MAX: variants seen among roughly 807,000 people sequenced by gnomAD.
MAX encodes the protein protein max.
A neutral mutation model predicts 22.3 loss-of-function variants in MAX; 3 were observed. The ratio of observed to expected loss-of-function variants is 0.13; its 90% CI spans 0.06 to 0.35. The LOEUF is 0.35. MAX is among the 10% of genes least tolerant of loss of function. The probability of loss-of-function intolerance (pLI) is 1.00; values close to 1 mark genes in which losing one functional copy is unlikely to be tolerated. For missense variants in MAX, 119 were observed against 209.4 expected, an observed-to-expected ratio of 0.57 and a Z score of 2.66; for synonymous variants, 72 against 77.7, an observed-to-expected ratio of 0.93 and a Z score of 0.39.
intron 1 of MAX, chr14:65,101,812 G>A (rs910889684): frequency 1.4e-5 from 8 of 581,972 alleles, no homozygotes; most frequent in African/African-American, 3.7e-5. Context: ...GGCCAGAGGG[G>A]TCCCGAGCAC....
In MAX at chr14:65,012,447, T is replaced by C. The variant is rs752099699; in HGVS notation, c.172-6163A>G. On this transcript the variant is annotated intron_variant, in intron 3 of 3. Coordinates refer to the MAX transcript ENST00000341653. The surrounding 1 kb of genome is among the most constrained non-coding windows in gnomAD (Gnocchi z 5.0). The stretch of plus-strand genomic sequence containing the variant: ...AATTATCCACCAAATCCTCCTCCTT[T>C]TTCTATTTAAACGTAAAAGACTGTT... The C allele has an allele frequency of 1.2e-6, 2 of 1,607,368 alleles. No homozygotes were observed. The highest frequency in any genetic ancestry group is 1.7e-6 in the Non-Finnish European group (2 of 1,175,076).
In MAX at chr14:65,033,862, A is replaced by C. The variant is rs537725024; in HGVS notation, c.172-27578T>G. On this transcript the variant is annotated intron_variant, in intron 3 of 3. Coordinates refer to the MAX transcript ENST00000341653. Reference sequence around the variant, plus strand: ...ACAGGGCGAGACTCCATCTCAAAAAAAGAAGCAAAAGGTATAGTAGACACA... The same window carrying C: ...ACAGGGCGAGACTCCATCTCAAAAACAGAAGCAAAAGGTATAGTAGACACA... 2.6e-5 allele frequency among the ~76,000 whole-genome samples: 4 copies of C among 152,370 alleles called. No homozygotes were observed. The East Asian group carries it at 7.7e-4, about 29-fold the overall frequency.
chr14:65,011,274 C>A lies in MAX; in HGVS notation c.172-4990G>T, dbSNP rs1399251168. ...GAAACCCCCGTCTCCACTAAAAATA[C>A]AAAAATTAGCTGGGTGTGGTGGCAC... On this transcript the variant is annotated intron_variant, in intron 3 of 3. Transcript: ENST00000341653. The surrounding 1 kb of genome is among the most constrained non-coding windows in gnomAD (Gnocchi z 4.0). Among the ~76,000 whole-genome samples, 1 of 151,950 alleles carries A rather than the reference C, an allele frequency of 6.6e-6. No homozygotes were observed. The highest frequency in any genetic ancestry group is 2.4e-5 in the African/African-American group (1 of 41,388).
intron 2 of MAX, among the ~76,000 whole-genome samples, chr14:65,095,817 C>T (rs1362079583): frequency 2.6e-5 from 4 of 152,160 alleles, no homozygotes; most frequent in Non-Finnish European, 4.4e-5. Flanking sequence ...CTTGTTGATA[C>T]AAATAAAATT....
intron 3 of MAX, among the ~76,000 whole-genome samples, chr14:65,045,556 CAG>C (rs2062459208): frequency 1.3e-5 from 2 of 151,990 alleles, no homozygotes; most frequent in African/African-American, 4.8e-5. Context: ...GCTGGGACTA[CAG>C]GCGCGTGCCA....
intron 2 of MAX, among the ~76,000 whole-genome samples, chr14:65,098,531 C>T (rs2063732501): frequency 6.6e-6 from 1 of 152,168 alleles, no homozygotes; most frequent in Admixed American, 6.5e-5. Flanking sequence ...ACACACTAAC[C>T]CATACATTTC....
rs1417698855 is a variant in MAX at position 65,031,703 on chromosome 14, T to G, written c.172-25419A>C. Among the ~76,000 whole-genome samples the G allele has an allele frequency of 6.6e-6, 1 of 152,112 alleles. No individual in the cohort carries two copies. Among genetic ancestry groups the G allele is most frequent in the Non-Finnish European group, 1.5e-5 (1 of 68,018 alleles). On this transcript the variant is annotated intron_variant, in intron 3 of 3. Coordinates refer to the MAX transcript ENST00000341653. This position sits in a 1 kb window ranked among gnomAD's most constrained non-coding sequence, Gnocchi z 4.6. ...TGGGAGGCCAAGGCAGGTGGATTGCTTGAGGTCAGGAGTTTGAAACCAGCC... is the reference window on the plus strand; with the variant it reads ...TGGGAGGCCAAGGCAGGTGGATTGCGTGAGGTCAGGAGTTTGAAACCAGCC...
Position 65,096,528 on chromosome 14 carries a change from C to T in MAX, c.64-2713G>A, listed in dbSNP as rs188183428. ...ATCCACCCAGACCAATAACACTGCC[C>T]GCGCCTCATCCCCACCCCCATTGGA... On this transcript the variant is annotated intron_variant, in intron 2 of 4. Transcript: ENST00000358664. Among the ~76,000 whole-genome samples, 10 of 152,152 alleles carry T rather than the reference C, an allele frequency of 6.6e-5. No homozygotes were observed. The South Asian group carries it at 1.7e-3, about 25-fold the overall frequency.
rs1173261530 is a variant in MAX, at chr14:65,079,119, C to T, written c.172-1083G>A. On this transcript the variant is annotated intron_variant, in intron 3 of 4. Transcript: ENST00000358664. This position sits in a 1 kb window ranked among gnomAD's most constrained non-coding sequence, Gnocchi z 4.5. ...AAATGAAAGCTTTAGGTCACTAATT[C>T]TGCTAGGGCCTGGCTTGAGACAGGA... 6.6e-6 allele frequency among the ~76,000 whole-genome samples: 1 copy of T among 152,192 alleles called. No individual in the cohort carries two copies. The highest frequency in any genetic ancestry group is 1.5e-5 in the Non-Finnish European group (1 of 68,034).
chr14:65,036,923 C>A (rs1185161675), intron 3 of MAX, among the ~76,000 whole-genome samples: 1 of 152,072 alleles, frequency 6.6e-6, no homozygotes, highest in Non-Finnish European at 1.5e-5. Flanking sequence ...CAGACATGAG[C>A]CACCTCGCCT....
chr14:65,068,386 G>A (rs1029256444), intron 3 of MAX, among the ~76,000 whole-genome samples: 2 of 152,158 alleles, frequency 1.3e-5, no homozygotes, highest in Non-Finnish European at 2.9e-5. Flanking sequence ...AGTGAGCTGA[G>A]ATTGTGCCAC....
intron 3 of MAX, among the ~76,000 whole-genome samples, chr14:65,025,612 C>G (rs1201013200): frequency 6.6e-6 from 1 of 151,964 alleles, no homozygotes; most frequent in African/African-American, 2.4e-5. Flanking sequence ...CCCAGGAGTT[C>G]AAGACTAGCC....
chr14:65,054,546 C>CGCCT lies in MAX; in HGVS notation c.171+39158_171+39161dup. The stretch of plus-strand genomic sequence containing the variant: ...TGTAGATGTGTGCGGAGCAGAGGAG[C>CGCCT]GCCTGCTCAGAGCTGCCTGTCCTTA... On this transcript the variant is annotated intron_variant, in intron 3 of 3. Coordinates refer to the MAX transcript ENST00000341653. This position sits in a 1 kb window ranked among gnomAD's most constrained non-coding sequence, Gnocchi z 4.4. 6.2e-7 allele frequency: 1 copy of CGCCT among 1,600,536 alleles called. No homozygotes were observed. The highest frequency in any genetic ancestry group is 8.5e-7 in the Non-Finnish European group (1 of 1,172,860).
In MAX at chr14:65,032,129, G is replaced by A. The variant is rs1232246420; in HGVS notation, c.172-25845C>T. The stretch of plus-strand genomic sequence containing the variant: ...CTTGTTTGATCTATTACAATTTGGT[G>A]GCCTGTTTTGCAGTTTATCTGTTGC... On this transcript the variant is annotated intron_variant, in intron 3 of 3. Coordinates refer to the MAX transcript ENST00000341653. This position sits in a 1 kb window ranked among gnomAD's most constrained non-coding sequence, Gnocchi z 5.0. Among the ~76,000 whole-genome samples the A allele has an allele frequency of 1.3e-5, 2 of 151,840 alleles. No homozygotes were observed. Among genetic ancestry groups the A allele is most frequent in the African/African-American group, 4.8e-5 (2 of 41,312 alleles).
rs1397904181 is a variant in MAX, at chr14:65,079,390, T to G, written c.172-1354A>C. Among the ~76,000 whole-genome samples, 1 of 152,200 alleles carries G rather than the reference T, an allele frequency of 6.6e-6. No individual in the cohort carries two copies. Among genetic ancestry groups the G allele is most frequent in the African/African-American group, 2.4e-5 (1 of 41,438 alleles). On this transcript the variant is annotated intron_variant, in intron 3 of 4. Transcript: ENST00000358664. This position sits in a 1 kb window ranked among gnomAD's most constrained non-coding sequence, Gnocchi z 4.5. ...TGGGTACTGCCTTGCTAGAGTAAGT[T>G]CGTAAGTCAATAACATGGATGTCAT...
At chr14:65,101,002 TTA>T (rs906985359) in intron 2 of MAX, among the ~76,000 whole-genome samples, 28 of 152,344 alleles carry the variant, frequency 1.8e-4, no homozygotes, top group African/African-American at 6.3e-4. Context: ...CATAATAACT[TTA>T]TGTGACACTT....
rs1043698792 is a variant in MAX at position 65,023,566 on chromosome 14, A to G, written c.172-17282T>C. ...AATGTTCTATATTCTGTAAATGTCT[A>G]TAGGTGTCTATAAACATCTATACGT... On this transcript the variant is annotated intron_variant, in intron 3 of 3. Transcript: ENST00000341653. This position sits in a 1 kb window ranked among gnomAD's most constrained non-coding sequence, Gnocchi z 4.1. 1.3e-5 allele frequency among the ~76,000 whole-genome samples: 2 copies of G among 152,218 alleles called. No homozygotes were observed. The highest frequency in any genetic ancestry group is 2.9e-5 in the Non-Finnish European group (2 of 68,028).
At chr14:65,045,977 A>C (rs1320239424) in intron 3 of MAX, among the ~76,000 whole-genome samples, 1 of 152,032 alleles carries the variant, frequency 6.6e-6, no homozygotes, top group Admixed American at 6.6e-5. Flanking sequence ...CAAGTCAAAC[A>C]TTTTTTATTT....
chr14:65,034,977 C>T (rs1221277962), intron 3 of MAX, among the ~76,000 whole-genome samples: 1 of 152,242 alleles, frequency 6.6e-6, no homozygotes, highest in Non-Finnish European at 1.5e-5. Context: ...AAGCTACAAA[C>T]TGTCACTCAT....
Sources: gnomAD v4.1 joint callset for allele counts (sites outside exome capture counted in the v4.1 genomes callset) on GRCh38, gnomAD v4.1.1 for gene constraint, Gnocchi (gnomAD v3.1) non-coding constraint, MANE v1.5 for transcripts, NCBI Gene and HGNC (gene_info 2026-07-23, HGNC 2026-07-21) for gene names.